MIS12: variants seen among roughly 807,000 people sequenced by gnomAD.
MIS12 encodes the protein MIS12 kinetochore complex component.
A neutral mutation model predicts 16.5 loss-of-function variants in MIS12; 13 were observed. That is an observed-to-expected ratio of 0.79 (90% CI 0.51 to 1.25). The LOEUF is 1.25. Ranked by LOEUF, MIS12 falls within the 50% of genes most tolerant of loss-of-function variation. MIS12 has a pLI of 0.00. For synonymous variants in MIS12, 97 were observed against 87.3 expected (o/e 1.11, Z -0.62); for missense variants, 199 against 239.5 (o/e 0.83, Z 1.12).
In MIS12 at chr17:5,489,407, T is replaced by C. The variant is rs374755169; in HGVS notation, c.545T>C (p.Val182Ala). Residue 182 changes from valine to alanine, a missense_variant, in exon 3 of 3, where the codon GTT (valine) becomes GCT (alanine). Physicochemically the swap from Val to Ala is moderately conservative, Grantham distance 64 (BLOSUM62 0). Transcript: ENST00000611091. ...SDFRESLVSL[V>A]QNSRKLQNIR... ...TTTAGGGAGAGTTTAGTATCCCTGG[T>C]TCAGAACTCCAGAAAACTACAGAAC... is the stretch of plus-strand genomic sequence containing the variant. 1.2e-6 allele frequency: 2 copies of C among 1,612,560 alleles called. No individual in the cohort carries two copies. Among genetic ancestry groups the C allele is most frequent in the Non-Finnish European group, 1.7e-6 (2 of 1,179,658 alleles).
chr17:5,486,481 CT>C (rs1906327685), upstream of MIS12: 11 of 267,738 alleles, frequency 4.1e-5, no homozygotes, highest in South Asian at 8.3e-4. Context: ...CGCCCGGCCC[CT>C]TTCTGTCATA....
Position 5,488,531 on chromosome 17 carries a change from T to C in MIS12, c.-99T>C. ...TAGGGCATTGGTTAAGTCATCTGTC[T>C]AGACTTCAAAGTTGTCTAGGATGAT... On this transcript the variant is annotated 5_prime_UTR_variant, in exon 2 of 3. Coordinates refer to ENST00000611091, the MANE Select transcript of MIS12 (RefSeq NM_001258217.2). The C allele has an allele frequency of 4.0e-6, 1 of 252,340 alleles. No individual in the cohort carries two copies. Among genetic ancestry groups the C allele is most frequent in the Non-Finnish European group, 7.7e-6 (1 of 129,638 alleles). The allele number at this position is 252,340 out of a possible 1,614,324, so 15.6% of individuals were successfully genotyped here.
rs981412301 is a variant in MIS12, at chr17:5,488,905, T to C, written c.43T>C (p.Phe15Leu). The change falls in exon 3 of 3, where the codon TTC (phenylalanine) becomes CTC (leucine). Residue 15 changes from phenylalanine to leucine, a missense_variant. By Grantham distance (22) the Phe-to-Leu change is conservative. Coordinates refer to ENST00000611091, the MANE Select transcript of MIS12 (RefSeq NM_001258217.2). Reference sequence around the variant, plus strand: ...GACCTACGAGGCCCAGTTCTTTGGCTTCACGCCACAAACGTGCATGCTTCG... The same window carrying C: ...GACCTACGAGGCCCAGTTCTTTGGCCTCACGCCACAAACGTGCATGCTTCG... ...PMTYEAQFFG[F>L]TPQTCMLRIY... The C allele has an allele frequency of 3.1e-6, 5 of 1,614,234 alleles. No individual in the cohort carries two copies. In the East Asian group the frequency reaches 1.1e-4, roughly 36 times the overall value.
In MIS12 at chr17:5,488,615, G is replaced by A. The variant is rs1345860992; in HGVS notation, c.-41+26G>A. On this transcript the variant is annotated intron_variant, in intron 2 of 2. Transcript: ENST00000611091. ...GTAAGGGAAGTGAACAACGAGGAGG[G>A]GAAAAGGGAGGGTATAGGCTGATGG... 1.8e-5 allele frequency: 8 copies of A among 440,114 alleles called. No individual in the cohort carries two copies. In the East Asian group the frequency reaches 3.5e-4, roughly 19 times the overall value. 27.3% of individuals were successfully genotyped at this position (440,114 alleles called of 1,614,324 possible). A position where few individuals can be genotyped will look rare whatever the true frequency, so the allele number is the denominator to read the frequency against.
Position 5,486,590 on chromosome 17 carries a change from A to C in MIS12, c.-529A>C. On this transcript the variant is annotated 5_prime_UTR_variant, in exon 1 of 3. Coordinates refer to ENST00000611091, the MANE Select transcript of MIS12 (RefSeq NM_001258217.2). ...TATCAGTCGGAATTTTGGGGAGCCA[A>C]CCGCGCCGTCTGTCCCTGGCAAGCC... 2 of 156,012 alleles carry C rather than the reference A, an allele frequency of 1.3e-5. No homozygotes were observed. 9.7% of individuals were successfully genotyped at this position (156,012 alleles called of 1,614,324 possible). A position where few individuals can be genotyped will look rare whatever the true frequency, so the allele number is the denominator to read the frequency against.
In MIS12 at chr17:5,489,077, A is replaced by G; in HGVS notation, c.215A>G (p.Lys72Arg). 6.2e-7 allele frequency: 1 copy of G among 1,614,230 alleles called. No individual in the cohort carries two copies. Among genetic ancestry groups the G allele is most frequent in the Admixed American group, 1.7e-5 (1 of 60,038 alleles). The change falls in exon 3 of 3, where the codon AAA (lysine) becomes AGA (arginine). Residue 72 changes from lysine (K) to arginine (R), a missense_variant. Lys to Arg is a conservative substitution (Grantham distance 26). Transcript: ENST00000611091. ...KCTEKFLCFM[K>R]GHFDNLFSKM... Reference sequence around the variant, plus strand: ...ACAGAGAAGTTTCTTTGCTTCATGAAAGGACATTTTGATAACCTTTTTAGC... The same window carrying G: ...ACAGAGAAGTTTCTTTGCTTCATGAGAGGACATTTTGATAACCTTTTTAGC...
At chr17:5,488,736 CTTT>C in intron 2 of MIS12, 84 bp from the exon 3 acceptor site, 3 of 1,038,316 alleles carry the variant, frequency 2.9e-6, no homozygotes, top group Non-Finnish European at 4.1e-6. Context: ...TGATTTGCTT[CTTT>C]GTTTGCTATC....
At position 5,488,779 on chromosome 17, in the gene MIS12, G is replaced by A; in HGVS notation, c.-40-44G>A. 9 of 1,439,212 alleles carry A rather than the reference G, an allele frequency of 6.3e-6. No individual in the cohort carries two copies. In the South Asian group the frequency reaches 1.1e-4, roughly 17 times the overall value. 89.2% of individuals were successfully genotyped at this position (1,439,212 alleles called of 1,614,324 possible). On this transcript the variant is annotated intron_variant, in intron 2 of 2. Transcript: ENST00000611091. ...ATGTGATTGGTTACTTCCTGCAGAA[G>A]ATTTTTTTTTTCCAAATGAATTATT...
At chr17:5,487,777 C>T (rs1597378334) in intron 1 of MIS12, 1 of 152,202 alleles carries the variant, frequency 6.6e-6, no homozygotes, top group Admixed American at 6.5e-5. Flanking sequence ...GGTGATTCGT[C>T]CATCCGGCCT....
At position 5,486,643 on chromosome 17, in the gene MIS12, A is replaced by T. The variant is rs1383177079; in HGVS notation, c.-476A>T. The T allele has an allele frequency of 1.3e-5, 2 of 154,082 alleles. No individual in the cohort carries two copies. The highest frequency in any genetic ancestry group is 6.5e-5 in the Admixed American group (1 of 15,344). 9.5% of individuals were successfully genotyped at this position (154,082 alleles called of 1,614,324 possible). On this transcript the variant is annotated 5_prime_UTR_variant, in exon 1 of 3. It adds an upstream start codon to the 5' untranslated region. Coordinates refer to ENST00000611091, the MANE Select transcript of MIS12 (RefSeq NM_001258217.2). ...CGGCGGTTTAAAGGAGGTGGCGGGA[A>T]GCCTGTGTGTGCTTCAAATCGTCAC...
intron 1 of MIS12, chr17:5,487,605 C>T (rs562558779): frequency 6.6e-6 from 1 of 152,274 alleles, no homozygotes; most frequent in East Asian, 1.9e-4. Context: ...AATCTCGGCT[C>T]ACCGCAACCT....
In MIS12 at chr17:5,489,423, A is replaced by G. The variant is rs1906619032; in HGVS notation, c.561A>G (p.Lys187=). 1 of 1,609,100 alleles carries G rather than the reference A, an allele frequency of 6.2e-7. No individual in the cohort carries two copies. The highest frequency in any genetic ancestry group is 1.3e-5 in the African/African-American group (1 of 74,510). ...SLVSLVQNSR[K]LQNIRDNVEK... The stretch of plus-strand genomic sequence containing the variant: ...TATCCCTGGTTCAGAACTCCAGAAA[A>G]CTACAGAACATTAGAGACAATGTGG... Residue 187 remains lysine (K), a synonymous_variant, in exon 3 of 3, where the codon AAA becomes AAG. Transcript: ENST00000611091.
chr17:5,489,056 A>C lies in MIS12; in HGVS notation c.194A>C (p.Glu65Ala), dbSNP rs1273884354. ...ISPVQIRKCTEKFLCFMKGHF... is the reference protein window; with the variant it reads ...ISPVQIRKCTAKFLCFMKGHF... ...CCAGTGCAGATTCGCAAATGCACAG[A>C]GAAGTTTCTTTGCTTCATGAAAGGA... The change falls in exon 3 of 3, where the codon GAG becomes GCG. Residue 65 changes from glutamate to alanine, a missense_variant. Physicochemically the swap from Glu to Ala is moderately radical, Grantham distance 107. Coordinates refer to ENST00000611091, the MANE Select transcript of MIS12 (RefSeq NM_001258217.2). 6 of 1,614,142 alleles carry C rather than the reference A, an allele frequency of 3.7e-6. No individual in the cohort carries two copies. The highest frequency in any genetic ancestry group is 5.1e-6 in the Non-Finnish European group (6 of 1,180,050).
At position 5,488,823 on chromosome 17, in the gene MIS12, G is replaced by GT. The variant is rs751202086; in HGVS notation, c.-35dup. 24 of 1,559,882 alleles carry GT rather than the reference G, an allele frequency of 1.5e-5. No homozygotes were observed. In the African/African-American group the frequency reaches 3.2e-4, roughly 21 times the overall value. ...AATTATTTCCTTTTTACATTTGCAG[G>GT]TTTTTCACGACTGAAAACAACATAG... On this transcript the variant is annotated splice_region_variant and 5_prime_UTR_variant, in exon 3 of 3. The change creates a premature stop within an existing upstream ORF in the 5' untranslated region. Transcript: ENST00000611091.
rs1906571920 is a variant in MIS12, at chr17:5,488,925, G to A, written c.63G>A (p.Met21Ile). The A allele has an allele frequency of 3.1e-6, 5 of 1,614,062 alleles. No individual in the cohort carries two copies. In the Admixed American group the frequency reaches 6.7e-5, roughly 22 times the overall value. The change falls in exon 3 of 3, where the codon ATG becomes ATA. Residue 21 changes from methionine to isoleucine, a missense_variant. Met to Ile is a conservative substitution (Grantham distance 10). Coordinates refer to ENST00000611091, the MANE Select transcript of MIS12 (RefSeq NM_001258217.2). ...TTGGCTTCACGCCACAAACGTGCATGCTTCGGATCTACATTGCATTTCAAG... is the reference window on the plus strand; with the variant it reads ...TTGGCTTCACGCCACAAACGTGCATACTTCGGATCTACATTGCATTTCAAG... ...QFFGFTPQTC[M>I]LRIYIAFQDY...
chr17:5,488,038 G>A (rs562600037), intron 1 of MIS12, among the ~76,000 whole-genome samples, 158 bp from the exon 2 acceptor site: 2 of 152,256 alleles, frequency 1.3e-5, no homozygotes, highest in African/African-American at 2.4e-5. Flanking sequence ...CTCAGAAAAA[G>A]ATGCCTAGGT....
rs762653873 is a variant in MIS12 at position 5,489,075 on chromosome 17, G to T, written c.213G>T (p.Met71Ile). 2 of 1,614,220 alleles carry T rather than the reference G, an allele frequency of 1.2e-6. No individual in the cohort carries two copies. Among genetic ancestry groups the T allele is most frequent in the East Asian group, 4.5e-5 (2 of 44,894 alleles). ...RKCTEKFLCF[M>I]KGHFDNLFSK... ...GCACAGAGAAGTTTCTTTGCTTCAT[G>T]AAAGGACATTTTGATAACCTTTTTA... Residue 71 changes from methionine (M) to isoleucine (I), a missense_variant, in exon 3 of 3, where the codon ATG (methionine) becomes ATT (isoleucine). Physicochemically the swap from Met to Ile is conservative, Grantham distance 10. Coordinates refer to ENST00000611091, the MANE Select transcript of MIS12 (RefSeq NM_001258217.2).
Position 5,489,506 on chromosome 17 carries a change from C to T in MIS12, c.*26C>T. 6.4e-7 allele frequency: 1 copy of T among 1,551,420 alleles called. No individual in the cohort carries two copies. Among genetic ancestry groups the T allele is most frequent in the Non-Finnish European group, 8.6e-7 (1 of 1,156,236 alleles). On this transcript the variant is annotated 3_prime_UTR_variant, in exon 3 of 3. Transcript: ENST00000611091. The stretch of plus-strand genomic sequence containing the variant: ...TTGCTCAGTAGTCAAAAGGAGGAGC[C>T]TGTCAAAAAGTAGAATCATAAGGAC...
At position 5,488,444 on chromosome 17, in the gene MIS12, T is replaced by C. The variant is rs993552691; in HGVS notation, c.-186T>C. 1 of 164,214 alleles carries C rather than the reference T, an allele frequency of 6.1e-6. No individual in the cohort carries two copies. The highest frequency in any genetic ancestry group is 1.3e-5 in the Non-Finnish European group (1 of 75,380). 10.2% of individuals were successfully genotyped at this position (164,214 alleles called of 1,614,324 possible). On this transcript the variant is annotated 5_prime_UTR_variant, in exon 2 of 3. Transcript: ENST00000611091. ...CAGTTTGGAAGAGTAGTTACAAATA[T>C]CAAGAGCCAGGTGGCTAAAAGGTGG...
Sources: allele counts gnomAD v4.1 joint callset (sites outside exome capture counted in the v4.1 genomes callset), GRCh38; gene constraint gnomAD v4.1.1; transcripts MANE v1.5; gene names NCBI Gene and HGNC (gene_info 2026-07-23, HGNC 2026-07-21).